HERC1: variants seen among roughly 807,000 people sequenced by gnomAD.
HERC1 encodes the protein probable E3 ubiquitin-protein ligase HERC1.
In HERC1, 160 loss-of-function variants were observed where a neutral mutation model predicts 554.3. The observed-to-expected ratio is 0.29, with a 90% confidence interval of 0.25 to 0.33. HERC1 has a LOEUF of 0.33. Ranked by LOEUF, HERC1 falls within the 10% of genes least tolerant of loss-of-function variation. The pLI is 1.00. For missense variants in HERC1, 4,919 were observed against 5,918.5 expected (o/e 0.83, Z 5.54); for synonymous variants, 2,175 against 2,131.7 (o/e 1.02, Z -0.56).
Position 63,672,591 on chromosome 15 carries a change from A to G in HERC1, c.7950T>C (p.Ser2650=), listed in dbSNP as rs1373401367. 9.3e-6 allele frequency: 15 copies of G among 1,612,320 alleles called. No homozygotes were observed. Among genetic ancestry groups the G allele is most frequent in the Non-Finnish European group, 1.1e-5 (13 of 1,179,260 alleles). The change falls in exon 39 of 78, where the codon TCT becomes TCC. Residue 2650 remains serine, a synonymous_variant. Coordinates refer to ENST00000443617, the MANE Select transcript of HERC1 (RefSeq NM_003922.4). The part of the protein sequence containing the change: ...ASSTTSFMSS[S]LEDTTTATTP... ...TGGTGGCAGTTGTGGTGTCCTCCAG[A>G]GAGCTGCTCATAAAGGAGGTCGTGC...
chr15:63,804,547 T>C (rs985124430), intron 1 of HERC1, among the ~76,000 whole-genome samples: 34 of 151,634 alleles, frequency 2.2e-4, no homozygotes, highest in African/African-American at 8.0e-4. Flanking sequence ...GATCGTACCA[T>C]TGCACTCCAG....
intron 37 of HERC1, among the ~76,000 whole-genome samples, chr15:63,676,583 C>T (rs569708484): frequency 5.3e-5 from 8 of 151,922 alleles, no homozygotes; most frequent in South Asian, 4.2e-4. Flanking sequence ...ATGGTGAAAC[C>T]CTGTCTCTAC....
intron 1 of HERC1, among the ~76,000 whole-genome samples, chr15:63,803,633 A>G (rs1247110965): frequency 6.6e-6 from 1 of 152,200 alleles, no homozygotes; most frequent in African/African-American, 2.4e-5. Context: ...GTTTTAATGA[A>G]CCAATTGCCA....
rs2068973936 is a variant in HERC1 at position 63,640,172 on chromosome 15, C to T, written c.11881G>A (p.Asp3961Asn). 1.9e-6 allele frequency: 3 copies of T among 1,613,738 alleles called. No individual in the cohort carries two copies. Among genetic ancestry groups the T allele is most frequent in the Non-Finnish European group, 2.5e-6 (3 of 1,179,734 alleles). The part of the protein sequence containing the change: ...TVPDLEPVPE[D>N]ELVFLMDNSK... ...TTTACCATTAGAAATACAAGTTCAT[C>T]CTCTGGAACAGGTTCTAGATCTGGA... The change falls in exon 61 of 78, where the codon GAT (aspartate) becomes AAT (asparagine). Residue 3961 changes from aspartate (D) to asparagine (N), a missense_variant. Transcript: ENST00000443617.
chr15:63,626,258 A>G lies in HERC1; in HGVS notation c.13106-104T>C, dbSNP rs1034482216. 5 of 1,046,086 alleles carry G rather than the reference A, an allele frequency of 4.8e-6. No homozygotes were observed. The African/African-American group carries it at 4.8e-5, about 10-fold the overall frequency. The allele number at this position is 1,046,086 out of a possible 1,614,324, so 64.8% of individuals were successfully genotyped here. On this transcript the variant is annotated intron_variant, in intron 70 of 77. Transcript: ENST00000443617. Reference sequence around the variant, plus strand: ...ACAGAGAAGTTGAGATAATTACACAATGGACACCCATTCAAACCTCTATCC... The same window carrying G: ...ACAGAGAAGTTGAGATAATTACACAGTGGACACCCATTCAAACCTCTATCC...
At chr15:63,729,995 C>T (rs35360755) in intron 14 of HERC1, among the ~76,000 whole-genome samples, 64,450 of 143,506 alleles carry the variant, frequency 0.45, 15,487 homozygotes, top group Non-Finnish European at 0.54. Context: ...CATTGCACTC[C>T]AGCCTGGGCG....
intron 37 of HERC1, among the ~76,000 whole-genome samples, chr15:63,675,786 A>G (rs61341328): frequency 0.033 from 5,020 of 152,180 alleles, 275 homozygotes; most frequent in African/African-American, 0.11. Context: ...TTTTGCTGGT[A>G]TAAAGTTTTG....
chr15:63,657,399 G>C (rs960811865), intron 48 of HERC1, among the ~76,000 whole-genome samples: 1 of 151,672 alleles, frequency 6.6e-6, no homozygotes, highest in Non-Finnish European at 1.5e-5. Context: ...GACTCACTGA[G>C]GTTGAACATC....
rs1235382833 is a variant in HERC1 at position 63,756,406 on chromosome 15, T to C, written c.1533+31A>G. ...TCAATTACAACTCCAATGCATCTAA[T>C]TATTTTTATAACCAAAAAGAATGCA... is the stretch of plus-strand genomic sequence containing the variant. On this transcript the variant is annotated intron_variant, in intron 5 of 77. Transcript: ENST00000443617. This position sits in a 1 kb window ranked among gnomAD's most constrained non-coding sequence, Gnocchi z 5.0. 6.5e-7 allele frequency: 1 copy of C among 1,546,034 alleles called. No individual in the cohort carries two copies. Among genetic ancestry groups the C allele is most frequent in the Non-Finnish European group, 8.8e-7 (1 of 1,136,950 alleles).
chr15:63,654,355 C>T (rs1251271344), intron 50 of HERC1, 31 bp from the exon 51 acceptor site: 3 of 1,549,950 alleles, frequency 1.9e-6, no homozygotes, highest in East Asian at 4.6e-5. Context: ...GAAGGATGGG[C>T]ATACAATTGG....
intron 60 of HERC1, among the ~76,000 whole-genome samples, chr15:63,641,015 C>T (rs969050059): frequency 6.6e-6 from 1 of 152,138 alleles, no homozygotes; most frequent in African/African-American, 2.4e-5. Flanking sequence ...TTTAATGACC[C>T]TACTCAATTC....
chr15:63,730,697 T>C (rs1182140624), intron 14 of HERC1, among the ~76,000 whole-genome samples: 1 of 152,226 alleles, frequency 6.6e-6, no homozygotes, highest in Non-Finnish European at 1.5e-5. Flanking sequence ...TTTTTAAAAA[T>C]ACATACTTAA....
In HERC1 at chr15:63,624,291, T is replaced by C. The variant is rs757927407; in HGVS notation, c.13312A>G (p.Ile4438Val). 19 of 1,612,232 alleles carry C rather than the reference T, an allele frequency of 1.2e-5. No homozygotes were observed. In the South Asian group the frequency reaches 1.9e-4, roughly 16 times the overall value. The change falls in exon 72 of 78, where the codon ATT (isoleucine) becomes GTT (valine). Residue 4438 changes from isoleucine (I) to valine (V), a missense_variant. By Grantham distance (29) the Ile-to-Val change is conservative. This residue lies in a region of HERC1 where 410 missense variants were observed against 467.0 expected (regional missense o/e 0.88). Coordinates refer to ENST00000443617, the MANE Select transcript of HERC1 (RefSeq NM_003922.4). ...TSHYNAGTWGIVQGQLRPLLA... is the reference protein window; with the variant it reads ...TSHYNAGTWGVVQGQLRPLLA... ...AAAGGCCGAAGTTGTCCCTGTACAA[T>C]GCCCCAAGTTCCAGCATTATAATGG...
intron 50 of HERC1, 25 bp from the exon 51 acceptor site, chr15:63,654,349 G>C: frequency 6.3e-7 from 1 of 1,576,258 alleles, no homozygotes; most frequent in East Asian, 2.3e-5. Flanking sequence ...TCATAGGAAG[G>C]ATGGGCATAC....
chr15:63,730,026 CAAAAAAAAA>C (rs57121923), intron 14 of HERC1, among the ~76,000 whole-genome samples: 1 of 71,482 alleles, frequency 1.4e-5, no homozygotes, highest in African/African-American at 5.4e-5. Flanking sequence ...AACTATGTCT[CAAAAAAAAA>C]AAAAAAAAAA....
intron 69 of HERC1, 117 bp from the exon 70 acceptor site, chr15:63,628,932 T>C (rs1437311647): frequency 1.1e-6 from 1 of 877,078 alleles, no homozygotes; most frequent in African/African-American, 1.7e-5. Context: ...GTACCATGCA[T>C]CAGCATCAAT....
chr15:63,787,676 G>C (rs62020789), intron 1 of HERC1, among the ~76,000 whole-genome samples: 20,083 of 151,960 alleles, frequency 0.13, 1,789 homozygotes, highest in Middle Eastern at 0.21. Context: ...AAGGCAGGAG[G>C]ATCACTTGAG....
intron 24 of HERC1, 80 bp from the exon 25 acceptor site, chr15:63,706,911 T>A (rs1050347508): frequency 1.1e-6 from 1 of 882,646 alleles, no homozygotes; most frequent in South Asian, 1.7e-5. Flanking sequence ...AGTATTAGAA[T>A]AGAAATTCAT....
At position 63,732,997 on chromosome 15, in the gene HERC1, T is replaced by C; in HGVS notation, c.2795A>G (p.Gln932Arg). 2 of 1,613,982 alleles carry C rather than the reference T, an allele frequency of 1.2e-6. No individual in the cohort carries two copies. The highest frequency in any genetic ancestry group is 2.2e-5 in the East Asian group (1 of 44,878). ...CAGGTGGGTATCTGGATGGCAGCTC[T>C]GAGTGCCGTAAGGTTGATCTGACAG... is the stretch of plus-strand genomic sequence containing the variant. ...GNLSDQPYGTQSCHPDTHLAE... is the reference protein window; with the variant it reads ...GNLSDQPYGTRSCHPDTHLAE... Residue 932 changes from glutamine (Q) to arginine (R), a missense_variant, in exon 14 of 78, where the codon CAG becomes CGG. This residue lies in a region of HERC1 where 744 missense variants were observed against 1,090.0 expected (regional missense o/e 0.68). Transcript: ENST00000443617.
Sources: allele counts gnomAD v4.1 joint callset (sites outside exome capture counted in the v4.1 genomes callset), GRCh38; gene constraint gnomAD v4.1.1; regional missense constraint gnomAD v4.1.1; non-coding constraint Gnocchi (gnomAD v3.1); transcripts MANE v1.5; gene names NCBI Gene and HGNC (gene_info 2026-07-23, HGNC 2026-07-21).